TBC1D19: variants seen among roughly 807,000 people sequenced by gnomAD.
The protein encoded by TBC1D19 is TBC1 domain family, member 19.
A neutral mutation model predicts 89.0 loss-of-function variants in TBC1D19; 60 were observed. That is an observed-to-expected ratio of 0.67 (90% confidence interval 0.55 to 0.84). The LOEUF is 0.84. Ranked by LOEUF, TBC1D19 falls within the 40% of genes least tolerant of loss-of-function variation. The pLI is 0.00. For missense variants in TBC1D19, 500 were observed against 610.8 expected (o/e 0.82, Z 1.91); for synonymous variants, 189 against 199.7 (o/e 0.95, Z 0.45).
intron 17 of TBC1D19, among the ~76,000 whole-genome samples, chr4:26,741,340 G>A (rs1366055346): frequency 6.2e-5 from 9 of 144,174 alleles, no homozygotes; most frequent in Admixed American, 1.4e-4. Context: ...TCCGGCCTGG[G>A]CGACAGAGCG....
the TBC1D19 span, among the ~76,000 whole-genome samples, chr4:26,833,915 T>C: frequency 6.6e-6 from 1 of 152,220 alleles, no homozygotes; most frequent in Non-Finnish European, 1.5e-5. Context: ...GGTGGTGATA[T>C]GGTTTGGATC....
Position 26,656,993 on chromosome 4 carries a change from C to T in TBC1D19, c.481-2604C>T, listed in dbSNP as rs9942173. Among the ~76,000 whole-genome samples the T allele has an allele frequency of 4.9e-3, 164 of 33,326 alleles. 2 individuals carry two copies. Among genetic ancestry groups the T allele is most frequent in the East Asian group, 9.5e-3 (10 of 1,058 alleles). 21.9% of individuals were successfully genotyped at this position (33,326 alleles called of 152,430 possible). On this transcript the variant is annotated intron_variant, in intron 7 of 20. Coordinates refer to ENST00000264866, the MANE Select transcript of TBC1D19 (RefSeq NM_018317.4). ...TTCTTCTTCTTCTTCTTCTTCTTCTCCTTCTCCTTCTCCTTCTCCTTCTCC... is the reference window on the plus strand; with the variant it reads ...TTCTTCTTCTTCTTCTTCTTCTTCTTCTTCTCCTTCTCCTTCTCCTTCTCC...
At chr4:26,851,785 T>C in the TBC1D19 span, among the ~76,000 whole-genome samples, 1 of 152,146 alleles carries the variant, frequency 6.6e-6, no homozygotes, top group Non-Finnish European at 1.5e-5. Flanking sequence ...GGTACGATCT[T>C]GGCTTACTGC....
the TBC1D19 span, among the ~76,000 whole-genome samples, chr4:26,816,319 C>T: frequency 1.3e-5 from 2 of 152,120 alleles, no homozygotes; most frequent in African/African-American, 4.8e-5. Flanking sequence ...CACAAACCTA[C>T]GAAGATTCTG....
At chr4:26,806,898 G>T in the TBC1D19 span, among the ~76,000 whole-genome samples, 4 of 152,160 alleles carry the variant, frequency 2.6e-5, no homozygotes, top group Non-Finnish European at 5.9e-5. Flanking sequence ...CTAGGAAGAG[G>T]CAAGGAAGGG....
At chr4:26,606,246 A>G (rs1267212088) in intron 1 of TBC1D19, among the ~76,000 whole-genome samples, 1 of 152,226 alleles carries the variant, frequency 6.6e-6, no homozygotes, top group South Asian at 2.1e-4. Flanking sequence ...GAGGCCAGTT[A>G]AGAAACTACA....
intron 1 of TBC1D19, among the ~76,000 whole-genome samples, chr4:26,608,781 GTC>G (rs1741162792): frequency 6.6e-6 from 1 of 151,886 alleles, no homozygotes; most frequent in South Asian, 2.1e-4. Flanking sequence ...TTGGAAAACA[GTC>G]TCTTCACTTA....
chr4:26,739,933 GT>G lies in TBC1D19; in HGVS notation c.1193del (p.Phe398SerfsTer59). The G allele has an allele frequency of 6.3e-7, 1 of 1,595,594 alleles. No homozygotes were observed. The highest frequency in any genetic ancestry group is 8.5e-7 in the Non-Finnish European group (1 of 1,172,004). On this transcript the variant is annotated frameshift_variant, in exon 17 of 21. Transcript: ENST00000264866. LOFTEE classifies it high-confidence loss of function. ...LYQIFREMYVRFFFRLHSISS... is the reference protein window; with the variant it reads ...LYQIFREMYVXFFFRLHSISS... Reference sequence around the variant, plus strand: ...CAGATATTCCGTGAGATGTATGTGCGTTTTTTCTTCAGACTCCATTCCATCT... The same window carrying G: ...CAGATATTCCGTGAGATGTATGTGCGTTTTTCTTCAGACTCCATTCCATCT...
chr4:26,640,058 A>G, intron 6 of TBC1D19, 83 bp from the exon 7 acceptor site: 2 of 942,388 alleles, frequency 2.1e-6, no homozygotes, highest in Middle Eastern at 2.7e-4. Context: ...GTATGATAAC[A>G]TGTGAAAGAA....
At chr4:26,770,923 T>C in the TBC1D19 span, among the ~76,000 whole-genome samples, 1 of 151,946 alleles carries the variant, frequency 6.6e-6, no homozygotes, top group Non-Finnish European at 1.5e-5. Context: ...TGAATGAAAA[T>C]GGAAATAAAA....
intron 15 of TBC1D19, among the ~76,000 whole-genome samples, chr4:26,724,249 G>C (rs1176538866): frequency 6.6e-6 from 1 of 152,182 alleles, no homozygotes. Context: ...TTAAAGTCTT[G>C]TCTAGTAAGT....
intron 3 of TBC1D19, among the ~76,000 whole-genome samples, chr4:26,616,382 G>C (rs1311730357): frequency 1.3e-5 from 2 of 152,098 alleles, no homozygotes; most frequent in Non-Finnish European, 1.5e-5. Context: ...GAGAGTCCAA[G>C]AATGTTACAG....
chr4:26,708,590 A>G (rs1715909804), intron 13 of TBC1D19, among the ~76,000 whole-genome samples: 1 of 151,966 alleles, frequency 6.6e-6, no homozygotes, highest in South Asian at 2.1e-4. Flanking sequence ...CATCTTTCTG[A>G]GACTCCTACC....
chr4:26,676,718 A>T (rs1187359934), intron 11 of TBC1D19, among the ~76,000 whole-genome samples: 1 of 145,762 alleles, frequency 6.9e-6, no homozygotes, highest in Admixed American at 6.9e-5. Flanking sequence ...GACTGTCTCA[A>T]AAAAAAAAAA....
intron 1 of TBC1D19, among the ~76,000 whole-genome samples, chr4:26,595,465 A>G (rs1740148542): frequency 6.6e-6 from 1 of 152,076 alleles, no homozygotes; most frequent in Admixed American, 6.6e-5. Flanking sequence ...TGCATTTGGT[A>G]TTGTGTCTAG....
chr4:26,805,346 C>A, the TBC1D19 span, among the ~76,000 whole-genome samples: 1 of 152,188 alleles, frequency 6.6e-6, no homozygotes, highest in Admixed American at 6.5e-5. Context: ...TACTGGGCAG[C>A]CAGCTTTGGG....
chr4:26,800,700 A>C, the TBC1D19 span, among the ~76,000 whole-genome samples: 181 of 152,294 alleles, frequency 1.2e-3, no homozygotes, highest in African/African-American at 4.1e-3. Flanking sequence ...TCCTCATTCT[A>C]ACTGGTGTGA....
chr4:26,802,534 G>A, the TBC1D19 span, among the ~76,000 whole-genome samples: 3 of 152,182 alleles, frequency 2.0e-5, no homozygotes, highest in South Asian at 2.1e-4. Flanking sequence ...CCTGGGAGGC[G>A]GAGGTTGCAG....
At chr4:26,582,981 C>G (rs368049267), upstream of TBC1D19, among the ~76,000 whole-genome samples, 1 of 152,268 alleles carries the variant, frequency 6.6e-6, no homozygotes, top group South Asian at 2.1e-4. Flanking sequence ...GTCAGAAATG[C>G]GGTTTACCAG....
Sources: allele counts gnomAD v4.1 joint callset (sites outside exome capture counted in the v4.1 genomes callset), GRCh38; gene constraint gnomAD v4.1.1; transcripts MANE v1.5; gene names NCBI Gene and HGNC (gene_info 2026-07-23, HGNC 2026-07-21).